The following EPB41L5 variants were observed in gnomAD, a reference collection of about 807,000 sequenced individuals.
EPB41L5 encodes erythrocyte membrane protein band 4.1 like 5.
A neutral mutation model predicts 106.6 loss-of-function variants in EPB41L5; 55 were observed. That is an observed-to-expected ratio of 0.52 (90% CI 0.42 to 0.65). The LOEUF is 0.65. EPB41L5 is among the 30% of genes least tolerant of loss of function. The probability of loss-of-function intolerance (pLI) is 0.00; values close to 1 mark genes in which losing one functional copy is unlikely to be tolerated. For synonymous variants in EPB41L5, 297 were observed against 306.7 expected, an observed-to-expected ratio of 0.97 and a Z score of 0.33; for missense variants, 871 against 882.1, an observed-to-expected ratio of 0.99 and a Z score of 0.16.
Position 120,164,856 on chromosome 2 carries a change from T to A in EPB41L5, c.1908T>A (p.Asp636Glu). ...SVLKEATDELDALLASLTENL... is the reference protein window; with the variant it reads ...SVLKEATDELEALLASLTENL... The stretch of plus-strand genomic sequence containing the variant: ...CATAGGAAGCTACAGATGAATTGGA[T>A]GCCTTGCTTGCATCTCTAACTGAGA... Residue 636 changes from aspartate (D) to glutamate (E), a missense_variant, in exon 22 of 25, where the codon GAT becomes GAA. Transcript: ENST00000263713. 6.2e-7 allele frequency: 1 copy of A among 1,612,644 alleles called. No individual in the cohort carries two copies.
At chr2:120,116,407 A>G (rs1470857034) in intron 16 of EPB41L5, among the ~76,000 whole-genome samples, 1 of 152,156 alleles carries the variant, frequency 6.6e-6, no homozygotes, top group Non-Finnish European at 1.5e-5. Flanking sequence ...TTCTGCACCA[A>G]TCTGGTTCTT....
intron 20 of EPB41L5, among the ~76,000 whole-genome samples, chr2:120,157,077 G>C (rs1356449083): frequency 6.6e-6 from 1 of 152,048 alleles, no homozygotes; most frequent in African/African-American, 2.4e-5. Context: ...ACTGAAATCA[G>C]AACAGCCACT....
chr2:120,023,447 C>A (rs957074891), intron 2 of EPB41L5, among the ~76,000 whole-genome samples: 3 of 152,126 alleles, frequency 2.0e-5, no homozygotes, highest in Admixed American at 6.6e-5. Flanking sequence ...GGAATCGTTT[C>A]CCCATTCCTT....
Position 120,029,453 on chromosome 2 carries a change from C to G in EPB41L5, c.180+10189C>G, listed in dbSNP as rs561912021. ...TGAAGTGATTCACCTGCCTCAACCTCCCAAAGTGCTGGGATTATAGGTAAT... is the reference window on the plus strand; with the variant it reads ...TGAAGTGATTCACCTGCCTCAACCTGCCAAAGTGCTGGGATTATAGGTAAT... On this transcript the variant is annotated intron_variant, in intron 2 of 24. Transcript: ENST00000263713. Among the ~76,000 whole-genome samples, 6 of 152,256 alleles carry G rather than the reference C, an allele frequency of 3.9e-5. No homozygotes were observed. The South Asian group carries it at 1.2e-3, about 32-fold the overall frequency.
intron 11 of EPB41L5, among the ~76,000 whole-genome samples, chr2:120,089,484 C>T (rs1488668622): frequency 6.6e-6 from 1 of 152,052 alleles, no homozygotes; most frequent in African/African-American, 2.4e-5. Context: ...TTTATCTAAA[C>T]GTGTACCTAT....
intron 24 of EPB41L5, among the ~76,000 whole-genome samples, chr2:120,172,718 A>G (rs559001991): frequency 6.6e-6 from 1 of 152,284 alleles, no homozygotes; most frequent in South Asian, 2.1e-4. Flanking sequence ...GAGGCAGTAG[A>G]GAGGTGCAGG....
In EPB41L5 at chr2:120,176,209, A is replaced by G. The variant is rs893547762; in HGVS notation, c.*1302A>G. ...GTAAACCTCGGTTGCCATGGGGAAG[A>G]AGGATGATGTGGAAACCATATTGGT... On this transcript the variant is annotated 3_prime_UTR_variant, in exon 25 of 25. Transcript: ENST00000263713. 1 of 152,682 alleles carries G rather than the reference A, an allele frequency of 6.5e-6. No individual in the cohort carries two copies. The highest frequency in any genetic ancestry group is 1.5e-5 in the Non-Finnish European group (1 of 68,046). The allele number at this position is 152,682 out of a possible 1,614,324, so 9.5% of individuals were successfully genotyped here.
At chr2:120,151,741 T>C (rs1373563716) in intron 20 of EPB41L5, among the ~76,000 whole-genome samples, 1 of 151,510 alleles carries the variant, frequency 6.6e-6, no homozygotes, top group East Asian at 2.0e-4. Flanking sequence ...CTCACCCTCC[T>C]GAGTAGCTGG....
At chr2:120,035,988 A>G (rs2105188212) in intron 2 of EPB41L5, among the ~76,000 whole-genome samples, 1 of 152,262 alleles carries the variant, frequency 6.6e-6, no homozygotes, top group East Asian at 1.9e-4. Context: ...TGGCTGTGGA[A>G]GGATAATTGA....
chr2:120,021,266 G>C (rs1043086679), intron 2 of EPB41L5, among the ~76,000 whole-genome samples: 2 of 152,040 alleles, frequency 1.3e-5, no homozygotes, highest in Non-Finnish European at 2.9e-5. Flanking sequence ...CTTGAACCTG[G>C]GAGGTGGAGA....
At chr2:120,131,031 A>G (rs900876304) in intron 17 of EPB41L5, among the ~76,000 whole-genome samples, 3 of 152,200 alleles carry the variant, frequency 2.0e-5, no homozygotes, top group Non-Finnish European at 4.4e-5. Context: ...TGTTTAATGT[A>G]TTATGTTTTC....
chr2:120,156,094 G>A (rs1363499663), intron 20 of EPB41L5, among the ~76,000 whole-genome samples: 1 of 152,148 alleles, frequency 6.6e-6, no homozygotes. Context: ...GCCAAGGACA[G>A]CCATCCCCCT....
In EPB41L5 at chr2:120,042,059, G is replaced by A. The variant is rs751462155; in HGVS notation, c.234G>A (p.Leu78=). ...ATCAGATTATGTACCACCTGGACCT[G>A]ATTGAAAGCGACTATTTTGGTCTGA... The part of the protein sequence containing the change: ...LFDQIMYHLD[L]IESDYFGLRF... Residue 78 remains leucine (L), a synonymous_variant, in exon 3 of 25, where the codon CTG becomes CTA. Coordinates refer to ENST00000263713, the MANE Select transcript of EPB41L5 (RefSeq NM_020909.4). 6.2e-7 allele frequency: 1 copy of A among 1,613,678 alleles called. No individual in the cohort carries two copies. Among genetic ancestry groups the A allele is most frequent in the Admixed American group, 1.7e-5 (1 of 60,016 alleles).
At chr2:120,018,993 C>T (rs1184158122) in intron 1 of EPB41L5, 84 bp from the exon 2 acceptor site, 1 of 1,220,414 alleles carries the variant, frequency 8.2e-7, no homozygotes, top group Non-Finnish European at 1.2e-6. Flanking sequence ...CAGGACTTGA[C>T]TAAATAATGC....
chr2:120,120,965 A>C, intron 16 of EPB41L5, among the ~76,000 whole-genome samples: 1 of 152,158 alleles, frequency 6.6e-6, no homozygotes, highest in East Asian at 1.9e-4. Context: ...AAAATACAAA[A>C]AATTACCTGG....
chr2:120,149,203 T>G (rs1686556837), intron 20 of EPB41L5, among the ~76,000 whole-genome samples: 1 of 151,974 alleles, frequency 6.6e-6, no homozygotes. Flanking sequence ...CATTGATAAA[T>G]TTGATTCAAA....
rs747713910 is a variant in EPB41L5, at chr2:120,087,245, G to A, written c.873+5G>A. 1.1e-5 allele frequency: 17 copies of A among 1,496,342 alleles called. No homozygotes were observed. Among genetic ancestry groups the A allele is most frequent in the Admixed American group, 5.2e-5 (3 of 57,718 alleles). 92.7% of individuals were successfully genotyped at this position (1,496,342 alleles called of 1,614,324 possible). On this transcript the variant is annotated splice_donor_5th_base_variant and intron_variant, in intron 11 of 24. Coordinates refer to ENST00000263713, the MANE Select transcript of EPB41L5 (RefSeq NM_020909.4). ...GTTGTAGAAGATGATGATCAGGTAGGAATAAAATTATATTCTATTACTTGT... is the reference window on the plus strand; with the variant it reads ...GTTGTAGAAGATGATGATCAGGTAGAAATAAAATTATATTCTATTACTTGT...
At chr2:120,110,401 A>G (rs1418284811) in intron 16 of EPB41L5, among the ~76,000 whole-genome samples, 2 of 152,282 alleles carry the variant, frequency 1.3e-5, no homozygotes, top group South Asian at 4.1e-4. Flanking sequence ...ATCATCCAGC[A>G]TTATGGTTTT....
In EPB41L5 at chr2:120,168,000, G is replaced by A; in HGVS notation, c.2128G>A (p.Val710Met). The change falls in exon 24 of 25, where the codon GTG becomes ATG. Residue 710 changes from valine to methionine, a missense_variant. Physicochemically the swap from Val to Met is conservative, Grantham distance 21. Coordinates refer to ENST00000263713, the MANE Select transcript of EPB41L5 (RefSeq NM_020909.4). Reference sequence around the variant, plus strand: ...CCCAGCGCCATTCTTGGTAGATGCTGTGACCAGGTGAGAAAATTATTTCTC... The same window carrying A: ...CCCAGCGCCATTCTTGGTAGATGCTATGACCAGGTGAGAAAATTATTTCTC... ...SPPAPFLVDA[V>M]TSSGPILAEE... The A allele has an allele frequency of 6.2e-7, 1 of 1,614,088 alleles. No individual in the cohort carries two copies. Among genetic ancestry groups the A allele is most frequent in the Non-Finnish European group, 8.5e-7 (1 of 1,179,950 alleles).
Sources: allele counts gnomAD v4.1 joint callset (sites outside exome capture counted in the v4.1 genomes callset), GRCh38; gene constraint gnomAD v4.1.1; transcripts MANE v1.5; gene names NCBI Gene and HGNC (gene_info 2026-07-23, HGNC 2026-07-21).